DST: variants seen among roughly 807,000 people sequenced by gnomAD.
DST encodes dystonin.
Under a neutral mutation model 875.2 loss-of-function variants are expected in DST, and 253 were observed. That is an observed-to-expected ratio of 0.29 (90% CI 0.26 to 0.32). The LOEUF is 0.32. Ranked by LOEUF, DST falls within the 10% of genes least tolerant of loss-of-function variation. The pLI is 1.00. For missense variants in DST, 8,287 were observed against 9,111.6 expected (o/e 0.91, Z 3.68); for synonymous variants, 3,124 against 3,197.1 (o/e 0.98, Z 0.77).
rs561055265 is a variant in DST at position 56,474,515 on chromosome 6, T to C, written c.21865-513A>G. Among the ~76,000 whole-genome samples the C allele has an allele frequency of 4.6e-5, 7 of 151,934 alleles. No homozygotes were observed. In the East Asian group the frequency reaches 1.4e-3, roughly 29 times the overall value. On this transcript the variant is annotated intron_variant, in intron 92 of 103. Coordinates refer to ENST00000680361, the MANE Select transcript of DST (RefSeq NM_001374736.1). ...AAAATAAATAAATAAATAAATAAAATGTTAATGCTTGTAAAGAGAGTAAAT... is the reference window on the plus strand; with the variant it reads ...AAAATAAATAAATAAATAAATAAAACGTTAATGCTTGTAAAGAGAGTAAAT...
chr6:56,783,959 G>T (rs950474330), intron 4 of DST, among the ~76,000 whole-genome samples: 13 of 151,966 alleles, frequency 8.6e-5, no homozygotes, highest in Admixed American at 5.9e-4. Context: ...GTCTGTAAAG[G>T]ATTTTATTTC....
At chr6:56,935,716 A>AAG (rs1391593196) in intron 2 of DST, among the ~76,000 whole-genome samples, 1 of 152,168 alleles carries the variant, frequency 6.6e-6, no homozygotes, top group African/African-American at 2.4e-5. Flanking sequence ...TCACGAGGTC[A>AAG]AGAGATCGAG....
At chr6:56,775,757 A>G (rs2099677731) in intron 4 of DST, among the ~76,000 whole-genome samples, 1 of 152,274 alleles carries the variant, frequency 6.6e-6, no homozygotes, top group Admixed American at 6.5e-5. Flanking sequence ...AATTTGAGCA[A>G]CAAAACAAGT....
chr6:56,670,427 A>T (rs1588210217), intron 10 of DST: 1 of 355,340 alleles, frequency 2.8e-6, no homozygotes, highest in Middle Eastern at 7.4e-4. Context: ...TCGAACTCCC[A>T]GGCTCAAGCA....
chr6:56,604,323 G>A lies in DST; in HGVS notation c.10305C>T (p.Phe3435=). 1 of 1,612,418 alleles carries A rather than the reference G, an allele frequency of 6.2e-7. No homozygotes were observed. Among genetic ancestry groups the A allele is most frequent in the Non-Finnish European group, 8.5e-7 (1 of 1,179,090 alleles). The change falls in exon 40 of 104, where the codon TTC becomes TTT. Residue 3435 remains phenylalanine, a synonymous_variant. Coordinates refer to ENST00000680361, the MANE Select transcript of DST (RefSeq NM_001374736.1). ...GCTCAGACTTAAGATTTCCAATACA[G>A]AAAGGATCATCTCTACTTTCTGGCT... The part of the protein sequence containing the change: ...ELKPESRDDP[F]CIGNLKSELL...
intron 4 of DST, among the ~76,000 whole-genome samples, chr6:56,806,760 G>A (rs1038372456): frequency 5.3e-5 from 8 of 152,148 alleles, no homozygotes; most frequent in African/African-American, 1.9e-4. Context: ...CTTTTTGCCA[G>A]GCATAACATT....
At chr6:56,737,078 C>T (rs1390226029) in intron 4 of DST, among the ~76,000 whole-genome samples, 1 of 152,174 alleles carries the variant, frequency 6.6e-6, no homozygotes, top group Non-Finnish European at 1.5e-5. Context: ...CCTGTAGTCT[C>T]AGCTACTTGG....
chr6:56,849,347 G>A (rs1763802792), intron 4 of DST, among the ~76,000 whole-genome samples: 1 of 152,006 alleles, frequency 6.6e-6, no homozygotes, highest in African/African-American at 2.4e-5. Flanking sequence ...ACATTGACCA[G>A]GATGGTCTCG....
chr6:56,923,511 C>T (rs1327373488), intron 2 of DST, among the ~76,000 whole-genome samples: 1 of 142,522 alleles, frequency 7.0e-6, no homozygotes, highest in African/African-American at 2.6e-5. Context: ...GTGTATTAGT[C>T]TGAGTTCCCC....
Position 56,609,061 on chromosome 6 carries a change from A to C in DST, c.5567T>G (p.Leu1856Arg), listed in dbSNP as rs1350459847. The change falls in exon 40 of 104, where the codon CTG (leucine) becomes CGG (arginine). Residue 1856 changes from leucine (L) to arginine (R), a missense_variant. Around this residue, in one of 10 missense-constraint regions of DST, gnomAD observed 3,138 missense variants for 3,116.6 expected, o/e 1.01. Transcript: ENST00000680361. ...TATCATGCTTTGAGCTAGAGCATCC[A>C]GTACTGGAATTGTGGTAGGTGACGC... ...SAASPTTIPVLDALAQSMITE... is the reference protein window; with the variant it reads ...SAASPTTIPVRDALAQSMITE... 1.9e-6 allele frequency: 3 copies of C among 1,613,764 alleles called. No homozygotes were observed. The highest frequency in any genetic ancestry group is 1.7e-6 in the Non-Finnish European group (2 of 1,179,812).
chr6:56,694,409 A>G (rs747598020), intron 9 of DST, among the ~76,000 whole-genome samples: 6 of 152,302 alleles, frequency 3.9e-5, no homozygotes, highest in Non-Finnish European at 7.4e-5. Flanking sequence ...ATGTTTGTCA[A>G]TAACAGATCC....
At chr6:56,954,204 C>T (rs1435244437) in intron 1 of DST, among the ~76,000 whole-genome samples, 1 of 152,086 alleles carries the variant, frequency 6.6e-6, no homozygotes, top group Non-Finnish European at 1.5e-5. Context: ...TCGGCATCGC[C>T]GTGGTTATTC....
chr6:56,702,661 G>C (rs2099314560), intron 7 of DST, among the ~76,000 whole-genome samples: 2 of 152,186 alleles, frequency 1.3e-5, no homozygotes, highest in Non-Finnish European at 2.9e-5. Context: ...CTCAGGAAAA[G>C]TGACAGATGA....
chr6:56,843,206 A>G, intron 4 of DST: 1 of 1,428,812 alleles, frequency 7.0e-7, no homozygotes, highest in Non-Finnish European at 9.4e-7. Flanking sequence ...ACCCCCGGAC[A>G]GTATCGCAGT....
chr6:56,560,454 T>G (rs1046261074), intron 57 of DST, 31 bp from the exon 58 acceptor site: 2 of 1,559,290 alleles, frequency 1.3e-6, no homozygotes, highest in Non-Finnish European at 1.7e-6. Context: ...ATAAATCATG[T>G]GTACAGCAAA....
chr6:56,724,927 TC>T (rs1353626032), intron 5 of DST, among the ~76,000 whole-genome samples: 1 of 152,088 alleles, frequency 6.6e-6, no homozygotes, highest in Non-Finnish European at 1.5e-5. Context: ...TTTTTGACAA[TC>T]TTAAGGGTCT....
chr6:56,656,720 G>A (rs1489415172), intron 10 of DST, among the ~76,000 whole-genome samples: 1 of 152,054 alleles, frequency 6.6e-6, no homozygotes, highest in East Asian at 1.9e-4. Flanking sequence ...CATAAACTGA[G>A]AACTAACTAA....
intron 2 of DST, among the ~76,000 whole-genome samples, chr6:56,905,633 T>C (rs994297114): frequency 2.1e-5 from 3 of 144,666 alleles, no homozygotes; most frequent in Non-Finnish European, 2.9e-5. Context: ...TATGCATATA[T>C]TGCGTTTTCT....
rs1441496083 is a variant in DST, at chr6:56,625,232, G to A, written c.4755C>T (p.Ala1585=). 2 of 1,613,002 alleles carry A rather than the reference G, an allele frequency of 1.2e-6. No homozygotes were observed. Among genetic ancestry groups the A allele is most frequent in the African/African-American group, 2.7e-5 (2 of 74,840 alleles). The change falls in exon 35 of 104, where the codon GCC becomes GCT. Residue 1585 remains alanine, a synonymous_variant. Coordinates refer to ENST00000680361, the MANE Select transcript of DST (RefSeq NM_001374736.1). Reference sequence around the variant, plus strand: ...GAGATTTTTGTTGTGAATCTACCATGGCCCGGTAGGTCATTGTTTGTAATT... The same window carrying A: ...GAGATTTTTGTTGTGAATCTACCATAGCCCGGTAGGTCATTGTTTGTAATT... ...DYELQTMTYR[A]MVDSQQKSPV... is the part of the protein sequence containing the mutation.
Sources: gnomAD v4.1 joint callset for allele counts (sites outside exome capture counted in the v4.1 genomes callset) on GRCh38, gnomAD v4.1.1 for gene constraint, gnomAD v4.1.1 regional missense constraint, MANE v1.5 for transcripts, NCBI Gene and HGNC (gene_info 2026-07-23, HGNC 2026-07-21) for gene names.